Variants in TENM2 observed in about 807,000 individuals in gnomAD.
The protein encoded by TENM2 is teneurin-2.
TENM2 carries 52 observed loss-of-function variants against 245.2 expected under a neutral mutation model. The ratio of observed to expected loss-of-function variants is 0.21; its 90% CI spans 0.17 to 0.27. The LOEUF is 0.27. Among genes scored for constraint, TENM2 ranks in the 10% least tolerant of loss-of-function variants. The pLI is 1.00. For synonymous variants in TENM2, 1,363 were observed against 1,438.9 expected, an observed-to-expected ratio of 0.95 and a Z score of 1.19; for missense variants, 3,046 against 3,666.8, an observed-to-expected ratio of 0.83 and a Z score of 4.37.
the TENM2 span, among the ~76,000 whole-genome samples, chr5:167,009,226 A>G: frequency 1.3e-5 from 2 of 152,178 alleles, no homozygotes; most frequent in Admixed American, 6.5e-5. Context: ...ATACACCCCT[A>G]CACACGCACA....
intron 2 of TENM2, among the ~76,000 whole-genome samples, chr5:167,440,975 G>A (rs1347343072): frequency 1.3e-5 from 2 of 152,236 alleles, no homozygotes; most frequent in Non-Finnish European, 1.5e-5. Flanking sequence ...GCATATGGAT[G>A]TTCCAAACTG....
At chr5:167,564,881 G>A (rs895051595) in intron 2 of TENM2, among the ~76,000 whole-genome samples, 8 of 152,194 alleles carry the variant, frequency 5.3e-5, no homozygotes, top group Non-Finnish European at 1.0e-4. Context: ...TGGCCTATTG[G>A]CCAAAGCAAG....
chr5:167,034,814 C>T, the TENM2 span, among the ~76,000 whole-genome samples: 3 of 152,028 alleles, frequency 2.0e-5, no homozygotes, highest in African/African-American at 7.2e-5. Context: ...ATTTGAAGCC[C>T]TAGTCCCAGA....
intron 5 of TENM2, among the ~76,000 whole-genome samples, chr5:167,998,096 A>G (rs1784185603): frequency 6.6e-6 from 1 of 152,202 alleles, no homozygotes; most frequent in Non-Finnish European, 1.5e-5. Flanking sequence ...GAATTTTAGG[A>G]CACTTCATCA....
At chr5:167,147,174 G>A in the TENM2 span, among the ~76,000 whole-genome samples, 17 of 152,248 alleles carry the variant, frequency 1.1e-4, no homozygotes, top group South Asian at 2.7e-3. Flanking sequence ...GTGCTTAAAA[G>A]ATTAGATCGT....
the TENM2 span, among the ~76,000 whole-genome samples, chr5:167,223,247 C>T: frequency 2.0e-5 from 3 of 152,086 alleles, no homozygotes; most frequent in African/African-American, 7.2e-5. Flanking sequence ...TATAGACACC[C>T]TACTCTTCCT....
intron 2 of TENM2, among the ~76,000 whole-genome samples, chr5:167,541,960 T>C (rs906971483): frequency 6.6e-6 from 1 of 152,172 alleles, no homozygotes; most frequent in Non-Finnish European, 1.5e-5. Flanking sequence ...GAAAGTTTAA[T>C]CAATGGTCAT....
intron 2 of TENM2, among the ~76,000 whole-genome samples, chr5:167,381,726 A>C (rs1266812811): frequency 1.3e-5 from 2 of 152,116 alleles, no homozygotes; most frequent in East Asian, 1.9e-4. Context: ...TGAGTTATCA[A>C]CCCTGACCTA....
At chr5:167,430,966 C>G (rs1011607611) in intron 2 of TENM2, among the ~76,000 whole-genome samples, 2 of 152,174 alleles carry the variant, frequency 1.3e-5, no homozygotes, top group African/African-American at 2.4e-5. Flanking sequence ...CTTTATGGAG[C>G]CTGAAAAATT....
intron 13 of TENM2, among the ~76,000 whole-genome samples, chr5:168,166,125 C>T (rs1758281345): frequency 6.6e-6 from 1 of 152,108 alleles, no homozygotes; most frequent in Non-Finnish European, 1.5e-5. Context: ...GGGAGTTCTG[C>T]CCTCGTCTCT....
chr5:167,620,489 A>T (rs2127768732), intron 2 of TENM2, among the ~76,000 whole-genome samples: 1 of 148,684 alleles, frequency 6.7e-6, no homozygotes, highest in South Asian at 2.1e-4. Context: ...CTTTTTAATA[A>T]GGCTATTGTG....
At chr5:167,780,896 A>C (rs1764144983) in intron 2 of TENM2, among the ~76,000 whole-genome samples, 1 of 152,200 alleles carries the variant, frequency 6.6e-6, no homozygotes. Context: ...CACTGGCAAT[A>C]GTATTTTTGT....
chr5:167,646,193 TTGTTTTC>T (rs1205354428), intron 2 of TENM2, among the ~76,000 whole-genome samples: 3 of 112,480 alleles, frequency 2.7e-5, no homozygotes, highest in Admixed American at 1.7e-4. Flanking sequence ...TATATATATG[TTGTTTTC>T]ATATATATAT....
At chr5:167,092,923 C>A in the TENM2 span, among the ~76,000 whole-genome samples, 1 of 152,224 alleles carries the variant, frequency 6.6e-6, no homozygotes, top group African/African-American at 2.4e-5. Flanking sequence ...TTACTAAACC[C>A]CTTTTGGTTT....
chr5:167,705,398 C>T (rs1375669995), intron 2 of TENM2, among the ~76,000 whole-genome samples: 2 of 152,138 alleles, frequency 1.3e-5, no homozygotes, highest in African/African-American at 4.8e-5. Context: ...AGTGTGCCTG[C>T]ACCACCCACA....
At chr5:168,117,047 G>C (rs1795133629) in intron 9 of TENM2, among the ~76,000 whole-genome samples, 1 of 152,208 alleles carries the variant, frequency 6.6e-6, no homozygotes, top group African/African-American at 2.4e-5. Context: ...ATGCGGAAAT[G>C]AGAAGTCCAA....
At chr5:167,089,888 G>T in the TENM2 span, among the ~76,000 whole-genome samples, 1 of 152,088 alleles carries the variant, frequency 6.6e-6, no homozygotes, top group Admixed American at 6.6e-5. Context: ...CAGCGAGGAA[G>T]GGGGTATCAG....
At chr5:167,463,509 T>TC (rs1766454331) in intron 2 of TENM2, among the ~76,000 whole-genome samples, 1 of 152,060 alleles carries the variant, frequency 6.6e-6, no homozygotes, top group Non-Finnish European at 1.5e-5. Flanking sequence ...TTATTTTATT[T>TC]TTTTTTGAGG....
In TENM2 at chr5:168,024,182, G is replaced by T. The variant is rs577019158; in HGVS notation, c.1187-23245G>T. Reference sequence around the variant, plus strand: ...CAGGCACTTTTCTTTGTTGGAATTTGTGCATATGTGAACTGTCTTGAGTCA... The same window carrying T: ...CAGGCACTTTTCTTTGTTGGAATTTTTGCATATGTGAACTGTCTTGAGTCA... On this transcript the variant is annotated intron_variant, in intron 5 of 28. Coordinates refer to ENST00000518659, the Ensembl canonical transcript of TENM2. Among the ~76,000 whole-genome samples the T allele has an allele frequency of 1.7e-4, 26 of 152,166 alleles. No homozygotes were observed. In the South Asian group the frequency reaches 2.3e-3, roughly 13 times the overall value.
Sources: allele counts gnomAD v4.1 joint callset (sites outside exome capture counted in the v4.1 genomes callset), GRCh38; gene constraint gnomAD v4.1.1; transcripts MANE v1.5; gene names NCBI Gene and HGNC (gene_info 2026-07-23, HGNC 2026-07-21).